Variants in WASHC2A observed in about 807,000 individuals in gnomAD.
WASHC2A encodes the protein WASH complex subunit FAM21A.
A neutral mutation model predicts 140.3 loss-of-function variants in WASHC2A; 82 were observed. The observed-to-expected ratio is 0.58, with a 90% CI of 0.49 to 0.70. The LOEUF (loss-of-function observed/expected upper bound fraction) is 0.70, where lower values mean the gene tolerates loss of function less well. Ranked by LOEUF, WASHC2A falls within the 30% of genes least tolerant of loss-of-function variation. The probability of loss-of-function intolerance (pLI) is 0.00; values close to 1 mark genes in which losing one functional copy is unlikely to be tolerated. For missense variants in WASHC2A, 985 were observed against 1,521.8 expected (o/e 0.65, Z 5.87); for synonymous variants, 340 against 560.8 (o/e 0.61, Z 5.56).
Position 50,106,686 on chromosome 10 carries a change from A to G in WASHC2A, c.1869+221A>G, listed in dbSNP as rs1200355605. On this transcript the variant is annotated intron_variant, in intron 19 of 30. Coordinates refer to ENST00000282633, the MANE Select transcript of WASHC2A (RefSeq NM_001005751.3). ...TTAGGAATAGGTATGACTCCCACAC[A>G]ATAGTGTATGCTCCTTCAAATGAGT... Among the ~76,000 whole-genome samples, 83 of 139,444 alleles carry G rather than the reference A, an allele frequency of 6.0e-4. 2 individuals are homozygous for G. The highest frequency in any genetic ancestry group is 8.7e-4 in the Non-Finnish European group (54 of 61,882). The allele number at this position is 139,444 out of a possible 152,430, so 91.5% of individuals were successfully genotyped here.
chr10:50,102,698 A>T (rs1210651921), intron 17 of WASHC2A, among the ~76,000 whole-genome samples: 196 of 148,014 alleles, frequency 1.3e-3, no homozygotes, highest in African/African-American at 4.8e-3. Context: ...AGGTCTTAGA[A>T]ATATCTTCTT....
intron 15 of WASHC2A, among the ~76,000 whole-genome samples, 179 bp from the exon 16 acceptor site, chr10:50,097,496 T>C (rs1383970147): frequency 0.2 from 25,754 of 128,934 alleles, 3,596 homozygotes; most frequent in Middle Eastern, 0.33. Flanking sequence ...ACTGCTACTA[T>C]GCACTTTGAA....
rs557195326 is a variant in WASHC2A, at chr10:50,073,397, C to G, written c.291+3686C>G. Among the ~76,000 whole-genome samples the G allele has an allele frequency of 3.6e-3, 547 of 152,080 alleles. 3 individuals are homozygous for G. Among genetic ancestry groups the G allele is most frequent in the African/African-American group, 0.013 (522 of 41,476 alleles). ...CTTGAGCAGTAGGATATACATAACT[C>G]TGACAAGCTTAGTGTTCCAATAATG... is the stretch of plus-strand genomic sequence containing the variant. On this transcript the variant is annotated intron_variant, in intron 3 of 30. Coordinates refer to ENST00000282633, the MANE Select transcript of WASHC2A (RefSeq NM_001005751.3).
In WASHC2A at chr10:50,091,512, C is replaced by G; in HGVS notation, c.925C>G (p.Pro309Ala). Residue 309 changes from proline to alanine, a missense_variant, in exon 10 of 31, where the codon CCG (proline) becomes GCG (alanine). By Grantham distance (27) the Pro-to-Ala change is conservative (BLOSUM62 -1). Coordinates refer to ENST00000282633, the MANE Select transcript of WASHC2A (RefSeq NM_001005751.3). ...TGCCGTGGGTCGAGTGGACGAGGAG[C>G]CGACAAGTGAGCCCCAGCCGCGTTG... is the stretch of plus-strand genomic sequence containing the variant. The part of the protein sequence containing the change: ...GDAVGRVDEE[P>A]TTLPSGEAKP... 2 of 1,549,830 alleles carry G rather than the reference C, an allele frequency of 1.3e-6. No homozygotes were observed. The highest frequency in any genetic ancestry group is 2.4e-5 in the South Asian group (2 of 83,988).
intron 4 of WASHC2A, among the ~76,000 whole-genome samples, chr10:50,079,396 TA>T (rs1199688204): frequency 6.6e-6 from 1 of 152,180 alleles, no homozygotes; most frequent in African/African-American, 2.4e-5. Context: ...ATTTTTTATT[TA>T]AAAAAATTTT....
chr10:50,099,472 A>G (rs1264427273), intron 16 of WASHC2A, among the ~76,000 whole-genome samples: 3 of 150,952 alleles, frequency 2.0e-5, no homozygotes, highest in Non-Finnish European at 4.4e-5. Context: ...ATGTTGGCCA[A>G]ACCATCATTC....
Position 50,110,257 on chromosome 10 carries a change from A to T in WASHC2A, c.2026A>T (p.Ile676Phe). The T allele has an allele frequency of 1.2e-6, 2 of 1,611,812 alleles. No homozygotes were observed. The highest frequency in any genetic ancestry group is 3.3e-5 in the Admixed American group (2 of 59,988). The change falls in exon 20 of 31, where the codon ATT becomes TTT. Residue 676 changes from isoleucine to phenylalanine, a missense_variant. By Grantham distance (21) the Ile-to-Phe change is conservative. Coordinates refer to ENST00000282633, the MANE Select transcript of WASHC2A (RefSeq NM_001005751.3). ...EEDEEDDLFA[I>F]AKDSQKKTQR... ...AGACGAAGAAGATGATCTTTTTGCC[A>T]TTGCCAAGGACAGGTGAGATAGTCA...
chr10:50,101,827 T>A (rs1291240836), intron 17 of WASHC2A, among the ~76,000 whole-genome samples: 1 of 116,450 alleles, frequency 8.6e-6, no homozygotes, highest in Non-Finnish European at 2.0e-5. Context: ...GATCACCTTA[T>A]TCATATGTCT....
In WASHC2A at chr10:50,068,196, G is replaced by T. The variant is rs782637905; in HGVS notation, c.95G>T (p.Ser32Ile). The change falls in exon 2 of 31, where the codon AGC becomes ATC. Residue 32 changes from serine to isoleucine, a missense_variant. By Grantham distance (142) the Ser-to-Ile change is moderately radical. Transcript: ENST00000282633. ...TCGGTGGAGGAGATCCGCAGGAGCA[G>T]CCAGAGCTGGTCGCTGGCGGCCGAC... ...PWSVEEIRRS[S>I]QSWSLAADAG... The T allele has an allele frequency of 3.8e-6, 6 of 1,594,192 alleles. No individual in the cohort carries two copies. The South Asian group carries it at 5.6e-5, about 15-fold the overall frequency.
At chr10:50,128,987 C>G (rs1843686838) in intron 28 of WASHC2A, among the ~76,000 whole-genome samples, 1 of 151,954 alleles carries the variant, frequency 6.6e-6, no homozygotes, top group Non-Finnish European at 1.5e-5. Flanking sequence ...TGAATTTAGA[C>G]TAGCCCCCTA....
intron 23 of WASHC2A, among the ~76,000 whole-genome samples, chr10:50,121,272 C>A (rs1407347057): frequency 6.7e-6 from 1 of 150,318 alleles, no homozygotes; most frequent in Non-Finnish European, 1.5e-5. Context: ...AAAAAACATC[C>A]ATTGGAAATA....
At chr10:50,084,724 C>T (rs1410949404) in intron 6 of WASHC2A, among the ~76,000 whole-genome samples, 1 of 123,938 alleles carries the variant, frequency 8.1e-6, no homozygotes, top group East Asian at 3.0e-4. Flanking sequence ...CCACCGTGCC[C>T]GGCTGTTTTT....
At position 50,125,149 on chromosome 10, in the gene WASHC2A, G is replaced by T; in HGVS notation, c.2515G>T (p.Val839Phe). ...DPDAHPKSTG[V>F]FQDEELLFSH... ...TGATGCCCACCCCAAGAGCACAGGT[G>T]TCTTCCAGGATGAAGAGCTGCTTTT... is the stretch of plus-strand genomic sequence containing the variant. Residue 839 changes from valine to phenylalanine, a missense_variant, in exon 24 of 31, where the codon GTC becomes TTC. Transcript: ENST00000282633. The T allele has an allele frequency of 6.2e-7, 1 of 1,611,640 alleles. No homozygotes were observed. Among genetic ancestry groups the T allele is most frequent in the South Asian group, 1.1e-5 (1 of 90,956 alleles).
At chr10:50,125,630 T>G (rs1309966364) in intron 25 of WASHC2A, among the ~76,000 whole-genome samples, 181 bp downstream of exon 25, 5 of 152,314 alleles carry the variant, frequency 3.3e-5, no homozygotes, top group African/African-American at 1.2e-4. Flanking sequence ...TTTCTGTTGT[T>G]CCTCATTTTA....
At chr10:50,082,887 T>G (rs1328595612) in intron 5 of WASHC2A, among the ~76,000 whole-genome samples, 1 of 121,294 alleles carries the variant, frequency 8.2e-6, no homozygotes, top group South Asian at 2.8e-4. Context: ...CTGCCCTCAC[T>G]CTGTTTTCTC....
At chr10:50,109,800 C>A (rs1182535138) in intron 19 of WASHC2A, among the ~76,000 whole-genome samples, 2 of 152,044 alleles carry the variant, frequency 1.3e-5, no homozygotes, top group African/African-American at 4.8e-5. Flanking sequence ...GACAGAGTCT[C>A]GCTCTGTCCC....
At chr10:50,099,652 C>A (rs1219551236) in intron 16 of WASHC2A, among the ~76,000 whole-genome samples, 35 of 137,532 alleles carry the variant, frequency 2.5e-4, no homozygotes, top group African/African-American at 8.7e-4. Flanking sequence ...TGACTTTCTC[C>A]TGCCGACCAC....
rs1423311036 is a variant in WASHC2A at position 50,071,019 on chromosome 10, C to T, written c.291+1308C>T. Among the ~76,000 whole-genome samples the T allele has an allele frequency of 3.8e-5, 4 of 104,370 alleles. 1 individual carries two copies. The highest frequency in any genetic ancestry group is 9.0e-5 in the African/African-American group (3 of 33,432). The allele number at this position is 104,370 out of a possible 152,430, so 68.5% of individuals were successfully genotyped here. A position where few individuals can be genotyped will look rare whatever the true frequency, so the allele number is the denominator to read the frequency against. On this transcript the variant is annotated intron_variant, in intron 3 of 30. Transcript: ENST00000282633. Reference sequence around the variant, plus strand: ...TGTACTCCAGCCTGGGCAATAAGAGCGAAACTCCGTCTCAAAAAAAAAAAA... The same window carrying T: ...TGTACTCCAGCCTGGGCAATAAGAGTGAAACTCCGTCTCAAAAAAAAAAAA...
chr10:50,072,477 C>G (rs1279279747), intron 3 of WASHC2A, among the ~76,000 whole-genome samples: 1 of 126,152 alleles, frequency 7.9e-6, no homozygotes, highest in African/African-American at 2.7e-5. Flanking sequence ...TGTAAGTGAT[C>G]TGGCTTTTTT....
Sources: allele counts gnomAD v4.1 joint callset (sites outside exome capture counted in the v4.1 genomes callset), GRCh38; gene constraint gnomAD v4.1.1; transcripts MANE v1.5; gene names NCBI Gene and HGNC (gene_info 2026-07-23, HGNC 2026-07-21).